Variants in NT5DC3 observed in about 807,000 individuals in gnomAD.
The protein encoded by NT5DC3 is 5'-nucleotidase domain-containing protein 3.
In NT5DC3, 42 loss-of-function variants were observed where a neutral mutation model predicts 67.8. The ratio of observed to expected loss-of-function variants is 0.62; its 90% confidence interval spans 0.48 to 0.80. The LOEUF is 0.80. Among genes scored for constraint, NT5DC3 ranks in the 30% least tolerant of loss-of-function variants. The pLI is 0.00. For synonymous variants in NT5DC3, 237 were observed against 255.6 expected (o/e 0.93, Z 0.69); for missense variants, 570 against 696.4 (o/e 0.82, Z 2.04).
At position 103,774,369 on chromosome 12, in the gene NT5DC3, C is replaced by T. The variant is rs1885270646; in HGVS notation, c.*3460G>A. ...ACATCAGAGAACAAAACACCCAGTG[C>T]AGTGTGCCAGATCCCAGTTGAGTCA... On this transcript the variant is annotated 3_prime_UTR_variant, in exon 14 of 14. Transcript: ENST00000392876. The T allele has an allele frequency of 6.6e-6, 1 of 152,254 alleles. No homozygotes were observed. Among genetic ancestry groups the T allele is most frequent in the East Asian group, 1.9e-4 (1 of 5,204 alleles). The allele number at this position is 152,254 out of a possible 1,614,324, so 9.4% of individuals were successfully genotyped here.
At chr12:103,754,906 A>G in the NT5DC3 span, among the ~76,000 whole-genome samples, 1 of 151,544 alleles carries the variant, frequency 6.6e-6, no homozygotes, top group Non-Finnish European at 1.5e-5. Context: ...AGATCATGCC[A>G]CTGCCCTTTA....
chr12:103,802,830 G>C (rs1276891134), intron 4 of NT5DC3, among the ~76,000 whole-genome samples: 2 of 152,180 alleles, frequency 1.3e-5, no homozygotes, highest in African/African-American at 2.4e-5. Context: ...GGAAGAAGAG[G>C]AAGCGAAGAG....
intron 1 of NT5DC3, among the ~76,000 whole-genome samples, chr12:103,832,137 A>G (rs1887958453): frequency 6.6e-6 from 1 of 151,738 alleles, no homozygotes; most frequent in Non-Finnish European, 1.5e-5. Context: ...TTCAGTTATG[A>G]CTTCAAGAGA....
intron 1 of NT5DC3, among the ~76,000 whole-genome samples, chr12:103,819,274 T>C (rs957245099): frequency 6.6e-6 from 1 of 152,132 alleles, no homozygotes; most frequent in African/African-American, 2.4e-5. Flanking sequence ...GTGCAAACTT[T>C]AGGAAGAAAA....
At chr12:103,793,299 T>C in intron 8 of NT5DC3, 34 bp from the exon 9 acceptor site, 2 of 1,565,218 alleles carry the variant, frequency 1.3e-6, no homozygotes, top group East Asian at 2.2e-5. Context: ...TAGTCTAACA[T>C]TAAAGAGATT....
At chr12:103,823,428 TGAA>T (rs896829686) in intron 1 of NT5DC3, among the ~76,000 whole-genome samples, 9 of 152,132 alleles carry the variant, frequency 5.9e-5, no homozygotes, top group Non-Finnish European at 5.9e-5. Flanking sequence ...CAGAGGAAAA[TGAA>T]GATGAAATTA....
intron 4 of NT5DC3, among the ~76,000 whole-genome samples, chr12:103,804,008 T>C (rs1886695471): frequency 6.6e-6 from 1 of 152,132 alleles, no homozygotes; most frequent in African/African-American, 2.4e-5. Flanking sequence ...CTGTGTGACC[T>C]TGGGCAAGTT....
chr12:103,772,057 T>TG (rs1885197149), downstream of NT5DC3, among the ~76,000 whole-genome samples: 1 of 151,876 alleles, frequency 6.6e-6, no homozygotes, highest in Admixed American at 6.6e-5. Context: ...TTGCTGTGGG[T>TG]GGGGGGAGAT....
At chr12:103,819,831 G>C (rs879682479) in intron 1 of NT5DC3, 1 of 152,212 alleles carries the variant, frequency 6.6e-6, no homozygotes, top group African/African-American at 2.4e-5. Flanking sequence ...GTGCAATTCA[G>C]TGGTATTAAG....
chr12:103,762,020 G>T, the NT5DC3 span, among the ~76,000 whole-genome samples: 1 of 152,130 alleles, frequency 6.6e-6, no homozygotes, highest in African/African-American at 2.4e-5. Context: ...GTGATATCGG[G>T]CAAGTGCTTC....
chr12:103,761,739 C>G, the NT5DC3 span, among the ~76,000 whole-genome samples: 1 of 152,124 alleles, frequency 6.6e-6, no homozygotes, highest in African/African-American at 2.4e-5. Context: ...ATCTCTGAGT[C>G]CCAATTTTCT....
the NT5DC3 span, chr12:103,761,525 G>A: frequency 1.5e-5 from 14 of 933,314 alleles, no homozygotes; most frequent in South Asian, 1.9e-4. Flanking sequence ...GAGACTGGAG[G>A]AGCCTCCAGC....
Position 103,841,146 on chromosome 12 carries a change from GC to G in NT5DC3, c.10del (p.Ala4GlnfsTer50). The G allele has an allele frequency of 1.2e-6, 1 of 800,592 alleles. No individual in the cohort carries two copies. 49.6% of individuals were successfully genotyped at this position (800,592 alleles called of 1,614,324 possible). A position where few individuals can be genotyped will look rare whatever the true frequency, so the allele number is the denominator to read the frequency against. MTM[A>X]AAAVVARGAG... Reference sequence around the variant, plus strand: ...CCCGCGTGCCACCACCGCCGCCGCTGCCATGGTCATGCCTGCTGCCTGCTGC... The same window carrying G: ...CCCGCGTGCCACCACCGCCGCCGCTGCATGGTCATGCCTGCTGCCTGCTGC... On this transcript the variant is annotated frameshift_variant, in exon 1 of 14. Transcript: ENST00000392876. LOFTEE classifies it high-confidence loss of function.
chr12:103,814,933 T>C lies in NT5DC3; in HGVS notation c.393+4A>G. On this transcript the variant is annotated splice_donor_region_variant and intron_variant, in intron 2 of 13. Transcript: ENST00000392876. ...AGAAGCCTGAAATGTCCCTGTGATC[T>C]TACCCGGTGTTCATTGATGAGAAGG... is the stretch of plus-strand genomic sequence containing the variant. The C allele has an allele frequency of 5.6e-6, 9 of 1,599,338 alleles. No homozygotes were observed. Among genetic ancestry groups the C allele is most frequent in the Non-Finnish European group, 7.7e-6 (9 of 1,171,906 alleles).
At chr12:103,795,659 T>C (rs1456133366) in intron 6 of NT5DC3, among the ~76,000 whole-genome samples, 2 of 151,966 alleles carry the variant, frequency 1.3e-5, no homozygotes, top group Non-Finnish European at 2.9e-5. Flanking sequence ...TATGTATCTT[T>C]AAAAAATATA....
intron 1 of NT5DC3, among the ~76,000 whole-genome samples, chr12:103,837,483 G>A (rs181242236): frequency 9.2e-5 from 14 of 152,210 alleles, no homozygotes; most frequent in Admixed American, 3.3e-4. Context: ...GCAAATTTTC[G>A]GAGCTTTTAT....
chr12:103,757,014 T>TAC, the NT5DC3 span, among the ~76,000 whole-genome samples: 4 of 141,560 alleles, frequency 2.8e-5, no homozygotes, highest in Non-Finnish European at 4.6e-5. Flanking sequence ...TATATATATA[T>TAC]ATATATATAT....
the NT5DC3 span, chr12:103,749,067 G>A: frequency 6.2e-7 from 1 of 1,614,156 alleles, no homozygotes; most frequent in African/African-American, 1.3e-5. Flanking sequence ...ATACAAAGGG[G>A]ACGGGCACAG....
the NT5DC3 span, among the ~76,000 whole-genome samples, chr12:103,760,645 G>C: frequency 6.6e-6 from 1 of 152,168 alleles, no homozygotes; most frequent in African/African-American, 2.4e-5. Flanking sequence ...TGACCGTGGG[G>C]GTAGCGGTGG....
Sources: allele counts gnomAD v4.1 joint callset (sites outside exome capture counted in the v4.1 genomes callset), GRCh38; gene constraint gnomAD v4.1.1; transcripts MANE v1.5; gene names NCBI Gene and HGNC (gene_info 2026-07-23, HGNC 2026-07-21).